Variants in LRPPRC observed in about 807,000 individuals in gnomAD.
LRPPRC encodes leucine-rich PPR motif-containing protein, mitochondrial.
LRPPRC carries 120 observed loss-of-function variants against 180.3 expected under a neutral mutation model. The observed-to-expected ratio is 0.67, with a 90% CI of 0.57 to 0.77. The LOEUF (loss-of-function observed/expected upper bound fraction) is 0.77, where lower values mean the gene tolerates loss of function less well. LRPPRC is among the 30% of genes least tolerant of loss of function. LRPPRC has a pLI of 0.00. For missense variants in LRPPRC, 2,012 were observed against 1,657.2 expected, an observed-to-expected ratio of 1.21 and a Z score of -3.72; for synonymous variants, 723 against 600.0, an observed-to-expected ratio of 1.21 and a Z score of -3.00.
rs200538316 is a variant in LRPPRC at position 43,974,310 on chromosome 2, A to C, written c.1010-15T>G. ...GTTCATTGCATCTGGGAAGAAAACA[A>C]AGACATCTTTTGTTAATAAACTGAA... is the stretch of plus-strand genomic sequence containing the variant. On this transcript the variant is annotated splice_polypyrimidine_tract_variant and intron_variant, in intron 8 of 37. Transcript: ENST00000260665. The C allele has an allele frequency of 1.1e-5, 18 of 1,594,888 alleles. No homozygotes were observed. Among genetic ancestry groups the C allele is most frequent in the Non-Finnish European group, 1.5e-5 (17 of 1,162,640 alleles).
chr2:43,950,377 C>T (rs1672852546), intron 15 of LRPPRC, among the ~76,000 whole-genome samples, 196 bp downstream of exon 15: 1 of 152,164 alleles, frequency 6.6e-6, no homozygotes, highest in Non-Finnish European at 1.5e-5. Flanking sequence ...TCTCCCTCCT[C>T]CCATTGGATT....
At chr2:43,974,365 A>C in intron 8 of LRPPRC, 70 bp from the exon 9 acceptor site, 2 of 1,141,230 alleles carry the variant, frequency 1.8e-6, no homozygotes, top group Non-Finnish European at 2.7e-6. Flanking sequence ...CCAATGTTCC[A>C]ATACTGAAGA....
chr2:43,937,357 A>G lies in LRPPRC; in HGVS notation c.2505-2479T>C, dbSNP rs535352283. Among the ~76,000 whole-genome samples, 3 of 152,326 alleles carry G rather than the reference A, an allele frequency of 2.0e-5. No individual in the cohort carries two copies. In the East Asian group the frequency reaches 5.8e-4, roughly 29 times the overall value. On this transcript the variant is annotated intron_variant, in intron 23 of 37. Transcript: ENST00000260665. Reference sequence around the variant, plus strand: ...CAAAGTGTACTGGAGATAAAAACAAAGTAAATGACTAGTCAGTTCTTCAGT... The same window carrying G: ...CAAAGTGTACTGGAGATAAAAACAAGGTAAATGACTAGTCAGTTCTTCAGT...
chr2:43,993,332 G>C (rs1028881363), intron 1 of LRPPRC, among the ~76,000 whole-genome samples: 1 of 152,076 alleles, frequency 6.6e-6, no homozygotes, highest in African/African-American at 2.4e-5. Context: ...ACTGTCCCTC[G>C]AGGCACCTTA....
chr2:43,963,288 T>C (rs1673423384), intron 12 of LRPPRC, among the ~76,000 whole-genome samples: 1 of 151,830 alleles, frequency 6.6e-6, no homozygotes, highest in Non-Finnish European at 1.5e-5. Flanking sequence ...CTACTAAAAA[T>C]ACAAAATTAG....
At chr2:43,919,487 C>CT (rs1217666396) in intron 27 of LRPPRC, among the ~76,000 whole-genome samples, 2 of 152,160 alleles carry the variant, frequency 1.3e-5, no homozygotes, top group African/African-American at 4.8e-5. Context: ...TACATGGAAT[C>CT]TTCTTAGATT....
chr2:43,959,105 A>G, intron 13 of LRPPRC: 1 of 655,786 alleles, frequency 1.5e-6, no homozygotes, highest in Admixed American at 2.5e-5. Flanking sequence ...AGAGGTTGAC[A>G]ACGAAGTGGA....
intron 1 of LRPPRC, among the ~76,000 whole-genome samples, chr2:43,985,045 G>A (rs1674468217): frequency 6.7e-6 from 1 of 148,796 alleles, no homozygotes. Flanking sequence ...CGATCTTATA[G>A]TTGAATGTCC....
chr2:43,891,361 C>A lies in LRPPRC; in HGVS notation c.3986-1485G>T, dbSNP rs183604259. Among the ~76,000 whole-genome samples the A allele has an allele frequency of 7.4e-4, 112 of 152,274 alleles. 3 individuals carry two copies. Among genetic ancestry groups the A allele is most frequent in the Admixed American group, 7.3e-3 (112 of 15,296 alleles). On this transcript the variant is annotated intron_variant, in intron 36 of 37. Transcript: ENST00000260665. ...GCTTTAATGCACTTTACAGATGTTG[C>A]GTTATTTACAAATTGAAGGTTTATG... is the stretch of plus-strand genomic sequence containing the variant.
chr2:43,890,685 C>G (rs1425886031), intron 36 of LRPPRC, among the ~76,000 whole-genome samples: 1 of 152,140 alleles, frequency 6.6e-6, no homozygotes, highest in African/African-American at 2.4e-5. Context: ...TGCACTCCAG[C>G]CTGGGCAACA....
intron 32 of LRPPRC, among the ~76,000 whole-genome samples, chr2:43,901,043 C>G (rs913615281): frequency 6.6e-6 from 1 of 152,158 alleles, no homozygotes; most frequent in East Asian, 1.9e-4. Flanking sequence ...AGTGTTTCGA[C>G]AACAAGAGGC....
chr2:43,912,455 T>C lies in LRPPRC; in HGVS notation c.3252A>G (p.Thr1084=), dbSNP rs1249696118. 2 of 1,609,064 alleles carry C rather than the reference T, an allele frequency of 1.2e-6. No individual in the cohort carries two copies. The highest frequency in any genetic ancestry group is 8.5e-7 in the Non-Finnish European group (1 of 1,175,676). ...ACAATGCTTTCACTTCCATTGCTTG[T>C]GTAAAATAATCTTCTGACATCAGTA... ...IKLLMSEDYF[T]QAMEVKAFAE... Residue 1084 remains threonine (T), a synonymous_variant, in exon 30 of 38, where the codon ACA becomes ACG. Transcript: ENST00000260665.
chr2:43,949,797 C>T (rs111231650), intron 15 of LRPPRC, 138 bp from the exon 16 acceptor site: 15 of 691,802 alleles, frequency 2.2e-5, no homozygotes, highest in African/African-American at 1.2e-4. Context: ...AAAACCACCC[C>T]CACCCGCCAA....
In LRPPRC at chr2:43,943,701, A is replaced by G; in HGVS notation, c.2490T>C (p.Thr830=). ...PSTNISFPLV[T]VHLEKGDLST... is the part of the protein sequence containing the mutation. ...AATTAACTTACTTTTCCAAGTGTACAGTGACCAATGGGAAACTTATGTTGG... is the reference window on the plus strand; with the variant it reads ...AATTAACTTACTTTTCCAAGTGTACGGTGACCAATGGGAAACTTATGTTGG... The change falls in exon 23 of 38, where the codon ACT becomes ACC. Residue 830 remains threonine (T), a synonymous_variant. Coordinates refer to ENST00000260665, the MANE Select transcript of LRPPRC (RefSeq NM_133259.4). The G allele has an allele frequency of 6.2e-7, 1 of 1,612,778 alleles. No individual in the cohort carries two copies. The highest frequency in any genetic ancestry group is 8.5e-7 in the Non-Finnish European group (1 of 1,178,774).
chr2:43,937,931 A>T (rs1558972395), intron 23 of LRPPRC, among the ~76,000 whole-genome samples: 1 of 152,200 alleles, frequency 6.6e-6, no homozygotes, highest in Non-Finnish European at 1.5e-5. Context: ...ACCCAAAGTG[A>T]TCTGTGAATT....
At chr2:43,972,215 C>T (rs565919940) in intron 11 of LRPPRC, among the ~76,000 whole-genome samples, 20 of 152,236 alleles carry the variant, frequency 1.3e-4, no homozygotes, top group African/African-American at 4.3e-4. Flanking sequence ...TCTGTGTGGC[C>T]CTCAGTTCCT....
In LRPPRC at chr2:43,968,644, T is replaced by C. The variant is rs189513872; in HGVS notation, c.1370-4938A>G. Reference sequence around the variant, plus strand: ...AAATAAGCTAGACACAGAAAGACAATACTGTCTCACTTACATTAGAATAAA... The same window carrying C: ...AAATAAGCTAGACACAGAAAGACAACACTGTCTCACTTACATTAGAATAAA... On this transcript the variant is annotated intron_variant, in intron 11 of 37. Coordinates refer to ENST00000260665, the MANE Select transcript of LRPPRC (RefSeq NM_133259.4). Among the ~76,000 whole-genome samples, 274 of 152,224 alleles carry C rather than the reference T, an allele frequency of 1.8e-3. 1 individual carries two copies. The highest frequency in any genetic ancestry group is 3.4e-3 in the Middle Eastern group (1 of 294).
intron 25 of LRPPRC, among the ~76,000 whole-genome samples, chr2:43,931,947 A>G (rs1320719594): frequency 6.6e-6 from 1 of 151,898 alleles, no homozygotes; most frequent in Non-Finnish European, 1.5e-5. Context: ...TCAAAGAGAT[A>G]GACCTTTAAA....
intron 33 of LRPPRC, 25 bp from the exon 34 acceptor site, chr2:43,899,359 A>G (rs779598061): frequency 1.9e-6 from 3 of 1,608,410 alleles, no homozygotes; most frequent in South Asian, 2.2e-5. Flanking sequence ...GGTAAGAAAA[A>G]TCTTTCATTA....
Sources: allele counts gnomAD v4.1 joint callset (sites outside exome capture counted in the v4.1 genomes callset), GRCh38; gene constraint gnomAD v4.1.1; transcripts MANE v1.5; gene names NCBI Gene and HGNC (gene_info 2026-07-23, HGNC 2026-07-21).